The following ERC2 variants were observed in gnomAD, a reference collection of about 807,000 sequenced individuals.
The protein encoded by ERC2 is ERC protein 2.
In ERC2, 42 loss-of-function variants were observed where a neutral mutation model predicts 114.8. That is an observed-to-expected ratio of 0.37 (90% CI 0.29 to 0.47). The LOEUF (loss-of-function observed/expected upper bound fraction) is 0.47, where lower values mean the gene tolerates loss of function less well. Ranked by LOEUF, ERC2 falls within the 20% of genes least tolerant of loss-of-function variation. The pLI, the probability that ERC2 is intolerant of heterozygous loss-of-function variation, is 0.99. For missense variants in ERC2, 939 were observed against 1,150.7 expected, an observed-to-expected ratio of 0.82 and a Z score of 2.66; for synonymous variants, 454 against 425.5, an observed-to-expected ratio of 1.07 and a Z score of -0.82.
chr3:56,297,437 A>G (rs1166642889), intron 2 of ERC2, among the ~76,000 whole-genome samples: 2 of 152,230 alleles, frequency 1.3e-5, no homozygotes, highest in Non-Finnish European at 2.9e-5. Context: ...TTGGGTCACC[A>G]TTTTAAGCAA....
At chr3:55,596,623 T>A (rs577778996) in intron 17 of ERC2, among the ~76,000 whole-genome samples, 1 of 152,158 alleles carries the variant, frequency 6.6e-6, no homozygotes, top group Non-Finnish European at 1.5e-5. Context: ...TAGTTTTATG[T>A]TGCTTTTAAA....
At chr3:55,809,918 G>A (rs951041836) in intron 14 of ERC2, among the ~76,000 whole-genome samples, 2 of 152,220 alleles carry the variant, frequency 1.3e-5, no homozygotes, top group Non-Finnish European at 2.9e-5. Flanking sequence ...AAACAGTTTT[G>A]TTAGTTCTTG....
intron 17 of ERC2, among the ~76,000 whole-genome samples, chr3:55,674,571 G>A (rs140464062): frequency 2.0e-5 from 3 of 152,314 alleles, no homozygotes; most frequent in Non-Finnish European, 2.9e-5. Context: ...AGCAATCTGC[G>A]ATTATTATTT....
At chr3:55,733,251 G>A (rs2065371814) in intron 15 of ERC2, among the ~76,000 whole-genome samples, 1 of 152,098 alleles carries the variant, frequency 6.6e-6, no homozygotes, top group South Asian at 2.1e-4. Context: ...AAGATGCACA[G>A]CTCCAAACAA....
intron 7 of ERC2, among the ~76,000 whole-genome samples, chr3:56,034,499 A>G (rs1236534506): frequency 6.6e-6 from 1 of 152,186 alleles, no homozygotes; most frequent in East Asian, 1.9e-4. Flanking sequence ...ACAGACATAT[A>G]CAAAACATTC....
At chr3:56,355,994 G>C (rs151101314) in intron 2 of ERC2, among the ~76,000 whole-genome samples, 1 of 152,142 alleles carries the variant, frequency 6.6e-6, no homozygotes, top group Non-Finnish European at 1.5e-5. Flanking sequence ...ACAGAAGCCC[G>C]GTGAATCAGA....
At chr3:55,821,294 C>G (rs1299533091) in intron 14 of ERC2, among the ~76,000 whole-genome samples, 1 of 152,050 alleles carries the variant, frequency 6.6e-6, no homozygotes, top group Non-Finnish European at 1.5e-5. Flanking sequence ...CAAAATGACC[C>G]CATCTCTGGC....
At chr3:55,564,038 T>C (rs147303805) in intron 17 of ERC2, among the ~76,000 whole-genome samples, 1 of 152,290 alleles carries the variant, frequency 6.6e-6, no homozygotes, top group East Asian at 1.9e-4. Context: ...GAATTCACAA[T>C]CTAATTTGTG....
chr3:55,817,122 A>G (rs2059931081), intron 14 of ERC2, among the ~76,000 whole-genome samples: 1 of 152,162 alleles, frequency 6.6e-6, no homozygotes, highest in Non-Finnish European at 1.5e-5. Flanking sequence ...TACTTGCTAG[A>G]CCCTGGTTTA....
intron 4 of ERC2, among the ~76,000 whole-genome samples, chr3:56,172,893 A>G (rs2082752247): frequency 6.6e-6 from 1 of 152,196 alleles, no homozygotes; most frequent in African/African-American, 2.4e-5. Flanking sequence ...GTGTATCTCT[A>G]TGCCTGCACA....
intron 14 of ERC2, among the ~76,000 whole-genome samples, chr3:55,840,919 C>T (rs2061104775): frequency 6.6e-6 from 1 of 152,072 alleles, no homozygotes; most frequent in Non-Finnish European, 1.5e-5. Flanking sequence ...AGCAGAGTGA[C>T]ATAAAGCAGA....
At chr3:56,222,549 G>C (rs932615010) in intron 3 of ERC2, among the ~76,000 whole-genome samples, 1 of 151,994 alleles carries the variant, frequency 6.6e-6, no homozygotes, top group African/African-American at 2.4e-5. Flanking sequence ...GTGCTCTTGC[G>C]TACCACTGCC....
intron 14 of ERC2, among the ~76,000 whole-genome samples, chr3:55,824,734 G>A (rs566687869): frequency 1.3e-5 from 2 of 152,220 alleles, no homozygotes; most frequent in East Asian, 3.9e-4. Context: ...GCCTTTTGGG[G>A]GCCCTGCATT....
At chr3:56,270,738 G>A (rs555147284) in intron 3 of ERC2, among the ~76,000 whole-genome samples, 1 of 152,354 alleles carries the variant, frequency 6.6e-6, no homozygotes, top group South Asian at 2.1e-4. Flanking sequence ...CCAGCACTTT[G>A]GGAGGCCAAG....
At chr3:55,962,486 C>A (rs2068455790) in intron 12 of ERC2, among the ~76,000 whole-genome samples, 1 of 152,174 alleles carries the variant, frequency 6.6e-6, no homozygotes, top group African/African-American at 2.4e-5. Flanking sequence ...TTTGCAAGAA[C>A]AAGTAGCAGG....
intron 7 of ERC2, among the ~76,000 whole-genome samples, chr3:56,058,296 C>T (rs892871128): frequency 5.3e-5 from 8 of 152,260 alleles, no homozygotes; most frequent in Admixed American, 2.0e-4. Context: ...CTTAATCCAA[C>T]GGCTGGCTCT....
intron 17 of ERC2, among the ~76,000 whole-genome samples, chr3:55,527,792 T>C (rs2053424288): frequency 6.6e-6 from 1 of 152,122 alleles, no homozygotes; most frequent in East Asian, 1.9e-4. Context: ...CTAAAAACTA[T>C]AGGATGGAAG....
chr3:55,772,415 T>C (rs78088283), intron 14 of ERC2, among the ~76,000 whole-genome samples: 3 of 151,540 alleles, frequency 2.0e-5, no homozygotes, highest in African/African-American at 4.9e-5. Context: ...CCCGGGTTCA[T>C]GCCATTCTCC....
chr3:56,404,079 C>T (rs999200271), intron 2 of ERC2, among the ~76,000 whole-genome samples: 5 of 152,214 alleles, frequency 3.3e-5, no homozygotes, highest in Admixed American at 1.3e-4. Flanking sequence ...GTACCACAGA[C>T]TTTTGCACCC....
Sources: gnomAD v4.1 joint callset for allele counts (sites outside exome capture counted in the v4.1 genomes callset) on GRCh38, gnomAD v4.1.1 for gene constraint, MANE v1.5 for transcripts, NCBI Gene and HGNC (gene_info 2026-07-23, HGNC 2026-07-21) for gene names.